The following NECAB3 variants were observed in gnomAD, a reference collection of about 807,000 sequenced individuals.
NECAB3 encodes N-terminal EF-hand calcium-binding protein 3.
In NECAB3, 38 loss-of-function variants were observed where a neutral mutation model predicts 57.2. The ratio of observed to expected loss-of-function variants is 0.66; its 90% CI spans 0.51 to 0.87. NECAB3 has a LOEUF of 0.87. Ranked by LOEUF, NECAB3 falls within the 40% of genes least tolerant of loss-of-function variation. NECAB3 has a pLI of 0.00. For missense variants in NECAB3, 474 were observed against 527.5 expected, an observed-to-expected ratio of 0.90 and a Z score of 0.99; for synonymous variants, 223 against 222.6, an observed-to-expected ratio of 1.00 and a Z score of -0.02.
chr20:33,663,773 C>G, intron 5 of NECAB3: 1 of 1,438,538 alleles, frequency 7.0e-7, no homozygotes, highest in Non-Finnish European at 9.1e-7. Context: ...CGGCTGCTCT[C>G]GCGCTTCCGG....
chr20:33,668,041 G>T (rs1262760193), intron 5 of NECAB3: 3 of 1,553,064 alleles, frequency 1.9e-6, no homozygotes, highest in Non-Finnish European at 2.6e-6. Flanking sequence ...CCTGGACAAG[G>T]AGCTGGAGGC....
chr20:33,668,250 G>A (rs1416806498), intron 5 of NECAB3: 3 of 1,562,708 alleles, frequency 1.9e-6, no homozygotes, highest in Non-Finnish European at 1.7e-6. Context: ...GGCTGGACTG[G>A]GGGGGGTGGC....
chr20:33,670,876 AG>A (rs2017815664), intron 2 of NECAB3, 84 bp from the exon 3 acceptor site: 1 of 922,846 alleles, frequency 1.1e-6, no homozygotes, highest in Non-Finnish European at 1.7e-6. Context: ...AGGGTCCCAA[AG>A]GCCTCATAGC....
At chr20:33,664,228 T>G in intron 5 of NECAB3, 2 of 242,416 alleles carry the variant, frequency 8.3e-6, no homozygotes, top group East Asian at 8.2e-5. Flanking sequence ...AGGGACCTGC[T>G]TCCGGTAAAG....
intron 5 of NECAB3, among the ~76,000 whole-genome samples, chr20:33,661,776 G>C (rs1366134782): frequency 6.6e-6 from 1 of 152,142 alleles, no homozygotes; most frequent in African/African-American, 2.4e-5. Context: ...TCAGCCTCTT[G>C]AATAGCTAGG....
Position 33,659,557 on chromosome 20 carries a change from G to T in NECAB3, c.819C>A (p.Pro273=). ...PCWRPGPHSV[P]SQAPRLEPLR... is the part of the protein sequence containing the mutation. Reference sequence around the variant, plus strand: ...GGGGTTCCAGCCGGGGGGCCTGTGAGGGCACAGAGTGTGGGCCGGGCCTCC... The same window carrying T: ...GGGGTTCCAGCCGGGGGGCCTGTGATGGCACAGAGTGTGGGCCGGGCCTCC... The change falls in exon 8 of 12, where the codon CCC becomes CCA. Residue 273 remains proline, a synonymous_variant. Coordinates refer to ENST00000246190, the MANE Select transcript of NECAB3 (RefSeq NM_031232.4). 1 of 1,570,720 alleles carries T rather than the reference G, an allele frequency of 6.4e-7. No homozygotes were observed. The highest frequency in any genetic ancestry group is 2.3e-5 in the East Asian group (1 of 43,300).
intron 5 of NECAB3, chr20:33,664,186 TG>T (rs1308606622): frequency 6.0e-6 from 2 of 331,738 alleles, no homozygotes; most frequent in Admixed American, 5.0e-5. Context: ...GAGGTGGGCT[TG>T]GGCAAACCCA....
At chr20:33,672,306 T>C (rs1194867011) in intron 2 of NECAB3, 92 bp downstream of exon 2, 13 of 1,506,542 alleles carry the variant, frequency 8.6e-6, no homozygotes, top group Non-Finnish European at 1.2e-5. Context: ...GTCTCAACTC[T>C]TGACTTCCCA....
rs371537216 is a variant in NECAB3 at position 33,669,410 on chromosome 20, G to A, written c.352C>T (p.Arg118Cys). Residue 118 changes from arginine (R) to cysteine (C), a missense_variant, in exon 5 of 12, where the codon CGT becomes TGT. Physicochemically the swap from Arg to Cys is radical, Grantham distance 180. Coordinates refer to ENST00000246190, the MANE Select transcript of NECAB3 (RefSeq NM_031232.4). ...PVLAALESLN[R>C]AVLAAMDATK... ...GCATCCATGGCAGCGAGCACTGCAC[G>A]GTTCAGCGATTCCAATGCAGCCAGC... The A allele has an allele frequency of 1.1e-4, 177 of 1,613,462 alleles. No homozygotes were observed. Among genetic ancestry groups the A allele is most frequent in the Admixed American group, 5.7e-4 (34 of 59,998 alleles).
chr20:33,667,282 G>C (rs2017685852), intron 5 of NECAB3: 1 of 512,270 alleles, frequency 2.0e-6, no homozygotes, highest in East Asian at 3.7e-5. Flanking sequence ...CTGCGAGCTG[G>C]CGGGCGGCGT....
intron 1 of NECAB3, 99 bp from the exon 2 acceptor site, chr20:33,672,521 C>CT: frequency 1.4e-6 from 2 of 1,439,078 alleles, no homozygotes; most frequent in Admixed American, 3.4e-5. Flanking sequence ...GACCTACCCC[C>CT]TGCCTCGCCT....
chr20:33,672,539 C>T (rs2017849809), intron 1 of NECAB3, 117 bp from the exon 2 acceptor site: 13 of 1,254,916 alleles, frequency 1.0e-5, no homozygotes, highest in South Asian at 4.9e-5. Flanking sequence ...CCTTTCCTCC[C>T]GCCCAGCCTG....
chr20:33,670,132 T>C (rs1295775966), intron 3 of NECAB3: 2 of 189,188 alleles, frequency 1.1e-5, no homozygotes, highest in South Asian at 1.4e-4. Flanking sequence ...GACAAGGAAC[T>C]GGGTGGGGAG....
At position 33,674,172 on chromosome 20, in the gene NECAB3, T is replaced by C. The variant is rs1312242562; in HGVS notation, c.129+52A>G. ...CCCGAACAACCCCGGAGGGTGAGAC[T>C]AACAGAGACTCGGGTAGGGAGACAC... On this transcript the variant is annotated intron_variant, in intron 1 of 11. Coordinates refer to ENST00000246190, the MANE Select transcript of NECAB3 (RefSeq NM_031232.4). 2.4e-6 allele frequency: 3 copies of C among 1,240,380 alleles called. No individual in the cohort carries two copies. The African/African-American group carries it at 4.7e-5, about 19-fold the overall frequency. 76.8% of individuals were successfully genotyped at this position (1,240,380 alleles called of 1,614,324 possible). A position where few individuals can be genotyped will look rare whatever the true frequency, so the allele number is the denominator to read the frequency against.
chr20:33,667,977 A>G (rs2017728944), intron 5 of NECAB3: 2 of 1,549,200 alleles, frequency 1.3e-6, no homozygotes, highest in African/African-American at 2.7e-5. Context: ...CACGCCTGGC[A>G]GACACCGTGG....
intron 5 of NECAB3, chr20:33,668,013 T>G: frequency 1.3e-6 from 2 of 1,542,260 alleles, no homozygotes; most frequent in Non-Finnish European, 1.8e-6. Flanking sequence ...CCACACTGTT[T>G]CCTGGCTTCG....
intron 5 of NECAB3, chr20:33,667,014 A>C (rs2017675646): frequency 6.4e-6 from 1 of 156,818 alleles, no homozygotes; most frequent in Non-Finnish European, 1.4e-5. Context: ...GCCGGGAGGT[A>C]TCGGGCCGAC....
In NECAB3 at chr20:33,659,736, T is replaced by G. The variant is rs2017401143; in HGVS notation, c.644-4A>C. 4 of 1,588,946 alleles carry G rather than the reference T, an allele frequency of 2.5e-6. No homozygotes were observed. The highest frequency in any genetic ancestry group is 1.3e-5 in the African/African-American group (1 of 74,304). On this transcript the variant is annotated splice_polypyrimidine_tract_variant and splice_region_variant and intron_variant, in intron 7 of 11. Coordinates refer to ENST00000246190, the MANE Select transcript of NECAB3 (RefSeq NM_031232.4). ...ATCTCGGCCTCTGAGCTGCGCCCTG[T>G]GTGTGGGGCCCGTGCAGGGTCAGGC...
Position 33,659,556 on chromosome 20 carries a change from A to G in NECAB3, c.820T>C (p.Ser274Pro), listed in dbSNP as rs1249932099. The G allele has an allele frequency of 6.4e-7, 1 of 1,565,902 alleles. No homozygotes were observed. Among genetic ancestry groups the G allele is most frequent in the Non-Finnish European group, 8.7e-7 (1 of 1,152,188 alleles). ...CWRPGPHSVPSQAPRLEPLRE... is the reference protein window; with the variant it reads ...CWRPGPHSVPPQAPRLEPLRE... ...AGGGGTTCCAGCCGGGGGGCCTGTG[A>G]GGGCACAGAGTGTGGGCCGGGCCTC... The change falls in exon 8 of 12, where the codon TCA (serine) becomes CCA (proline). Residue 274 changes from serine (S) to proline (P), a missense_variant. Ser to Pro is a moderately conservative substitution (Grantham distance 74, BLOSUM62 -1). Coordinates refer to ENST00000246190, the MANE Select transcript of NECAB3 (RefSeq NM_031232.4).
Sources: allele counts gnomAD v4.1 joint callset (sites outside exome capture counted in the v4.1 genomes callset), GRCh38; gene constraint gnomAD v4.1.1; transcripts MANE v1.5; gene names NCBI Gene and HGNC (gene_info 2026-07-23, HGNC 2026-07-21).